Variants in TTC6 observed in about 807,000 individuals in gnomAD.
TTC6 encodes the protein tetratricopeptide repeat domain 6.
TTC6 carries 172 observed loss-of-function variants against 210.4 expected under a neutral mutation model. The observed-to-expected ratio is 0.82, with a 90% confidence interval of 0.72 to 0.93. The LOEUF (loss-of-function observed/expected upper bound fraction) is 0.93. Ranked by LOEUF, TTC6 falls within the 40% of genes least tolerant of loss-of-function variation. The pLI, the probability that TTC6 is intolerant of heterozygous loss-of-function variation, is 0.00. For synonymous variants in TTC6, 804 were observed against 819.6 expected, an observed-to-expected ratio of 0.98 and a Z score of 0.32; for missense variants, 2,414 against 2,318.1, an observed-to-expected ratio of 1.04 and a Z score of -0.85.
At chr14:37,683,915 CTTGA>C (rs1325187624) in intron 3 of TTC6, among the ~76,000 whole-genome samples, 1 of 152,086 alleles carries the variant, frequency 6.6e-6, no homozygotes, top group African/African-American at 2.4e-5. Flanking sequence ...AGCATATCAT[CTTGA>C]TTATCACCAG....
At chr14:37,651,415 ATATATATATAT>A (rs1312107242) in intron 1 of TTC6, among the ~76,000 whole-genome samples, 4 of 20,832 alleles carry the variant, frequency 1.9e-4, no homozygotes, top group African/African-American at 2.5e-4. Context: ...ATATATATAT[ATATATATATAT>A]TTTTTTTTTT....
At chr14:37,719,919 G>A (rs932312189) in intron 6 of TTC6, among the ~76,000 whole-genome samples, 2 of 151,778 alleles carry the variant, frequency 1.3e-5, no homozygotes, top group Non-Finnish European at 2.9e-5. Context: ...ACAAGCCACC[G>A]ACTCGGAGAA....
At chr14:37,842,312 A>T (rs1434922057) in exon 31 of TTC6, 1 of 1,570,648 alleles carries the variant, frequency 6.4e-7, no homozygotes, top group East Asian at 2.3e-5. Flanking sequence ...TGTGGTTGCT[A>T]TAGTAGTTTA....
chr14:37,609,256 T>C (rs1342082099), intron 2 of TTC6, among the ~76,000 whole-genome samples: 1 of 151,910 alleles, frequency 6.6e-6, no homozygotes, highest in East Asian at 1.9e-4. Context: ...CTACAATATA[T>C]ATATATAAAA....
intron 2 of TTC6, among the ~76,000 whole-genome samples, chr14:37,681,266 T>C (rs920139569): frequency 3.9e-5 from 6 of 152,126 alleles, no homozygotes; most frequent in Non-Finnish European, 7.4e-5. Flanking sequence ...CTAACAGGTA[T>C]AGTAAACTGA....
Position 37,807,365 on chromosome 14 carries a change from TC to T in TTC6, c.4362del (p.Ala1456GlnfsTer3). 6.5e-7 allele frequency: 1 copy of T among 1,530,586 alleles called. No individual in the cohort carries two copies. Among genetic ancestry groups the T allele is most frequent in the Non-Finnish European group, 8.7e-7 (1 of 1,142,992 alleles). 94.8% of individuals were successfully genotyped at this position (1,530,586 alleles called of 1,614,324 possible). A position where few individuals can be genotyped will look rare whatever the true frequency, so the allele number is the denominator to read the frequency against. On this transcript the variant is annotated frameshift_variant, in exon 23 of 31. Coordinates refer to ENST00000553443, the Ensembl canonical transcript of TTC6. LOFTEE classifies it high-confidence loss of function. ...ATTCTATGGTTTAAAAGGCAGGTAT[TC>T]CAAAGCAATCTTGAATTGTAACAAG...
chr14:37,748,893 T>C (rs540726661), intron 10 of TTC6, 46 bp from the exon 13 acceptor site: 1 of 1,368,468 alleles, frequency 7.3e-7, no homozygotes, highest in East Asian at 2.5e-5. Context: ...ATTAGAAAGA[T>C]GATTGTATTT....
intron 1 of TTC6, among the ~76,000 whole-genome samples, chr14:37,625,056 A>G (rs1452538360): frequency 6.6e-6 from 1 of 152,098 alleles, no homozygotes; most frequent in Non-Finnish European, 1.5e-5. Context: ...GCCTCTCATT[A>G]TCTTGATTTT....
chr14:37,786,432 G>T (rs545512859), intron 14 of TTC6, among the ~76,000 whole-genome samples: 1 of 152,200 alleles, frequency 6.6e-6, no homozygotes, highest in African/African-American at 2.4e-5. Context: ...AGCCAGGTGC[G>T]GGATATAATC....
At chr14:37,599,835 G>C (rs944087450) in intron 1 of TTC6, among the ~76,000 whole-genome samples, 3 of 152,168 alleles carry the variant, frequency 2.0e-5, no homozygotes, top group Admixed American at 6.5e-5. Context: ...CCCCGGAACC[G>C]ATATGGCGAC....
Position 37,598,359 on chromosome 14 carries a change from G to A in TTC6, c.-235+2351G>A, listed in dbSNP as rs1246733211. Among the ~76,000 whole-genome samples the A allele has an allele frequency of 6.6e-6, 1 of 152,150 alleles. No individual in the cohort carries two copies. The highest frequency in any genetic ancestry group is 1.9e-4 in the East Asian group (1 of 5,150). On this transcript the variant is annotated intron_variant, in intron 1 of 2. Transcript: ENST00000556845. The surrounding 1 kb of genome is among the most constrained non-coding windows in gnomAD (Gnocchi z 4.9). ...TGGGGCGGTCCAGGTCGCGGGGAGG[G>A]CGGGCTCCTCAAGTGGGGGATCCGC...
At chr14:37,833,641 G>A (rs1187056982) in intron 29 of TTC6, among the ~76,000 whole-genome samples, 4 of 151,892 alleles carry the variant, frequency 2.6e-5, no homozygotes, top group Non-Finnish European at 5.9e-5. Flanking sequence ...CTGTCATTTT[G>A]TTGTTTTCTT....
At chr14:37,804,434 C>T (rs1057459104) in intron 20 of TTC6, among the ~76,000 whole-genome samples, 1 of 152,144 alleles carries the variant, frequency 6.6e-6, no homozygotes, top group South Asian at 2.1e-4. Context: ...TGTCCATAAG[C>T]CTGCTTAAGT....
intron 14 of TTC6, among the ~76,000 whole-genome samples, chr14:37,754,094 G>C (rs1322124117): frequency 6.6e-6 from 1 of 151,832 alleles, no homozygotes; most frequent in Non-Finnish European, 1.5e-5. Flanking sequence ...TTTTATTTTA[G>C]TTTAAGTTCT....
chr14:37,604,529 T>C (rs980878444), intron 1 of TTC6, among the ~76,000 whole-genome samples: 1 of 152,112 alleles, frequency 6.6e-6, no homozygotes, highest in Non-Finnish European at 1.5e-5. Flanking sequence ...GAGAGTATTG[T>C]CGGAGCCCGC....
At chr14:37,655,801 A>G (rs2095721416) in intron 1 of TTC6, among the ~76,000 whole-genome samples, 1 of 152,114 alleles carries the variant, frequency 6.6e-6, no homozygotes, top group Non-Finnish European at 1.5e-5. Context: ...TTGTTACAAA[A>G]TCAGTCTTCT....
chr14:37,760,908 T>C (rs985908046), intron 14 of TTC6, among the ~76,000 whole-genome samples: 1 of 152,162 alleles, frequency 6.6e-6, no homozygotes, highest in Non-Finnish European at 1.5e-5. Flanking sequence ...ACTGTTGCCC[T>C]GGCAGCGAGA....
intron 16 of TTC6, 105 bp from the exon 19 acceptor site, chr14:37,792,158 CT>C (rs1384528197): frequency 7.0e-6 from 6 of 853,798 alleles, no homozygotes; most frequent in Non-Finnish European, 1.0e-5. Context: ...AAAAAATACT[CT>C]GATGAATACT....
rs1341731204 is a variant in TTC6, at chr14:37,665,485, C to T, written c.940-14666C>T. On this transcript the variant is annotated intron_variant, in intron 1 of 30. Coordinates refer to ENST00000553443, the Ensembl canonical transcript of TTC6. ...ACACATTGAGGGAGAACAACACACA[C>T]TGGAGCCAGTCAGTGGGTATGGCAG... is the stretch of plus-strand genomic sequence containing the variant. Among the ~76,000 whole-genome samples the T allele has an allele frequency of 1.3e-5, 2 of 150,144 alleles. 1 individual carries two copies. The highest frequency in any genetic ancestry group is 3.0e-5 in the Non-Finnish European group (2 of 66,938).
Sources: gnomAD v4.1 joint callset for allele counts (sites outside exome capture counted in the v4.1 genomes callset) on GRCh38, gnomAD v4.1.1 for gene constraint, Gnocchi (gnomAD v3.1) non-coding constraint, MANE v1.5 for transcripts, NCBI Gene and HGNC (gene_info 2026-07-23, HGNC 2026-07-21) for gene names.